WDFY3: variants seen among roughly 807,000 people sequenced by gnomAD.
WDFY3 encodes WD repeat and FYVE domain-containing protein 3.
A neutral mutation model predicts 409.6 loss-of-function variants in WDFY3; 66 were observed. That is an observed-to-expected ratio of 0.16 (90% CI 0.13 to 0.20). The LOEUF (loss-of-function observed/expected upper bound fraction) is 0.20, where lower values mean the gene tolerates loss of function less well. Ranked by LOEUF, WDFY3 falls within the 10% of genes least tolerant of loss-of-function variation. WDFY3 has a pLI of 1.00. For missense variants in WDFY3, 3,031 were observed against 4,298.1 expected (o/e 0.71, Z 8.24); for synonymous variants, 1,521 against 1,537.1 (o/e 0.99, Z 0.25).
intron 2 of WDFY3, among the ~76,000 whole-genome samples, chr4:84,921,487 T>G (rs1769263697): frequency 6.6e-6 from 1 of 151,946 alleles, no homozygotes; most frequent in Admixed American, 6.6e-5. Flanking sequence ...TCTCAATTAT[T>G]CCTAATGAAA....
intron 3 of WDFY3, among the ~76,000 whole-genome samples, chr4:84,870,708 C>G (rs1386258157): frequency 6.6e-6 from 1 of 152,048 alleles, no homozygotes. Flanking sequence ...AGCCCCTTTG[C>G]CTTCTGGTCT....
chr4:84,779,033 T>G (rs948097238), intron 26 of WDFY3, among the ~76,000 whole-genome samples: 1 of 152,168 alleles, frequency 6.6e-6, no homozygotes, highest in South Asian at 2.1e-4. Flanking sequence ...TACTTAAATA[T>G]ACACTTTTTG....
chr4:84,691,891 T>A (rs1049343203), intron 59 of WDFY3, 106 bp from the exon 60 acceptor site: 19 of 1,110,646 alleles, frequency 1.7e-5, no homozygotes, highest in Middle Eastern at 3.1e-4. Flanking sequence ...AGCATCCTGA[T>A]ACCTACGTTG....
chr4:84,966,649 C>T lies in WDFY3; in HGVS notation c.-666G>A, dbSNP rs1775802260. ...GCAGCTGTTGGTGGCCATCTTTAAT[C>T]CTCCTCCTCCTCCTGCTTTCTCCAC... On this transcript the variant is annotated 5_prime_UTR_variant, in exon 1 of 68. Transcript: ENST00000295888. 2 of 156,038 alleles carry T rather than the reference C, an allele frequency of 1.3e-5. No homozygotes were observed. The highest frequency in any genetic ancestry group is 2.9e-5 in the Non-Finnish European group (2 of 69,748). 9.7% of individuals were successfully genotyped at this position (156,038 alleles called of 1,614,324 possible). A position where few individuals can be genotyped will look rare whatever the true frequency, so the allele number is the denominator to read the frequency against.
chr4:84,737,216 T>C lies in WDFY3; in HGVS notation c.6725A>G (p.Glu2242Gly). 1 of 1,614,162 alleles carries C rather than the reference T, an allele frequency of 6.2e-7. No individual in the cohort carries two copies. Among genetic ancestry groups the C allele is most frequent in the Non-Finnish European group, 8.5e-7 (1 of 1,180,012 alleles). Residue 2242 changes from glutamate (E) to glycine (G), a missense_variant, in exon 41 of 68, where the codon GAA (glutamate) becomes GGA (glycine). Physicochemically the swap from Glu to Gly is moderately conservative, Grantham distance 98 (BLOSUM62 -2). Transcript: ENST00000295888. ...DIATARPLIEEAALKCWQNHL... is the reference protein window; with the variant it reads ...DIATARPLIEGAALKCWQNHL... ...ATTCTGCCAGCACTTCAGGGCAGCTTCTTCAATGAGTGGCCTTGCTGTAGC... is the reference window on the plus strand; with the variant it reads ...ATTCTGCCAGCACTTCAGGGCAGCTCCTTCAATGAGTGGCCTTGCTGTAGC...
rs145069657 is a variant in WDFY3, at chr4:84,690,563, C to T, written c.9306G>A (p.Val3102=). The T allele has an allele frequency of 3.2e-5, 52 of 1,614,076 alleles. 3 individuals carry two copies. Among genetic ancestry groups the T allele is most frequent in the Non-Finnish European group, 4.1e-5 (48 of 1,180,042 alleles). The stretch of plus-strand genomic sequence containing the variant: ...TGGAGGTGCCCATCTCCCACACACA[C>T]ACAACCGTGCTTGTTCCACCCGTGA... The part of the protein sequence containing the change: ...LVITGGTSTV[V]CVWEMGTSKE... The change falls in exon 61 of 68, where the codon GTG becomes GTA. Residue 3102 remains valine (V), a synonymous_variant. Coordinates refer to ENST00000295888, the MANE Select transcript of WDFY3 (RefSeq NM_014991.6).
intron 10 of WDFY3, among the ~76,000 whole-genome samples, chr4:84,824,351 T>C (rs1329608879): frequency 6.6e-6 from 1 of 152,210 alleles, no homozygotes; most frequent in Non-Finnish European, 1.5e-5. Flanking sequence ...GTGACAAATT[T>C]ATAAATTCAA....
At chr4:84,772,511 T>C (rs1484527139) in intron 30 of WDFY3, among the ~76,000 whole-genome samples, 2 of 152,178 alleles carry the variant, frequency 1.3e-5, no homozygotes, top group Admixed American at 1.3e-4. Flanking sequence ...TGAAGAGATA[T>C]ACATACATTT....
chr4:84,946,382 G>A (rs1175872825), intron 1 of WDFY3, among the ~76,000 whole-genome samples: 1 of 152,002 alleles, frequency 6.6e-6, no homozygotes, highest in Non-Finnish European at 1.5e-5. Flanking sequence ...CATGCAGATG[G>A]CAAGTTGGCA....
intron 32 of WDFY3, 84 bp downstream of exon 32, chr4:84,765,726 G>A (rs11934332): frequency 1.3e-4 from 148 of 1,149,014 alleles, no homozygotes; most frequent in African/African-American, 7.6e-4. Flanking sequence ...TGATCAAACC[G>A]CAGAGGATAA....
chr4:84,830,185 G>A (rs760961344), intron 8 of WDFY3, among the ~76,000 whole-genome samples: 28 of 152,140 alleles, frequency 1.8e-4, no homozygotes, highest in Non-Finnish European at 3.7e-4. Context: ...TATTTTGAAA[G>A]AGTTTCAGGA....
intron 3 of WDFY3, chr4:84,886,349 A>T (rs1764220122): frequency 6.6e-6 from 1 of 152,224 alleles, no homozygotes; most frequent in Admixed American, 6.6e-5. Context: ...GTCTCAAGTG[A>T]ACCACATTTA....
At chr4:84,729,784 C>G (rs1372801620) in intron 44 of WDFY3, among the ~76,000 whole-genome samples, 1 of 151,638 alleles carries the variant, frequency 6.6e-6, no homozygotes, top group Non-Finnish European at 1.5e-5. Flanking sequence ...GCTTAAGGGA[C>G]AGGACAAAAA....
rs1414777282 is a variant in WDFY3 at position 84,757,164 on chromosome 4, A to G, written c.5189-3T>C. 6.2e-7 allele frequency: 1 copy of G among 1,612,354 alleles called. No homozygotes were observed. Among genetic ancestry groups the G allele is most frequent in the Admixed American group, 1.7e-5 (1 of 59,960 alleles). ...AGCACTTCTGCCCACGTTGAATCCT[A>G]AGAGAAGAGGAATATAACAGTAAGT... On this transcript the variant is annotated splice_polypyrimidine_tract_variant and splice_region_variant and intron_variant, in intron 32 of 67. Transcript: ENST00000295888.
At chr4:84,738,919 G>T in intron 40 of WDFY3, 91 bp downstream of exon 40, 1 of 1,316,978 alleles carries the variant, frequency 7.6e-7, no homozygotes, top group Non-Finnish European at 1.1e-6. Context: ...TATCAATGCT[G>T]GCAGTTTCTG....
chr4:84,880,890 T>G (rs1231519088), intron 3 of WDFY3, among the ~76,000 whole-genome samples: 1 of 149,824 alleles, frequency 6.7e-6, no homozygotes, highest in African/African-American at 2.5e-5. Context: ...GCTAATTTAT[T>G]TATTTATTTT....
intron 10 of WDFY3, among the ~76,000 whole-genome samples, chr4:84,823,556 C>G (rs1270736790): frequency 6.6e-6 from 1 of 151,904 alleles, no homozygotes; most frequent in Non-Finnish European, 1.5e-5. Flanking sequence ...GGATAAAGAA[C>G]TTATACAGAA....
chr4:84,749,301 T>C lies in WDFY3; in HGVS notation c.5973+2182A>G, dbSNP rs551043967. Among the ~76,000 whole-genome samples the C allele has an allele frequency of 5.9e-5, 9 of 152,302 alleles. No individual in the cohort carries two copies. In the East Asian group the frequency reaches 1.5e-3, roughly 26 times the overall value. ...CATTGGAAGACATAGAATGTTAATA[T>C]TTCATTAATATAATTTTTTTTGTAT... is the stretch of plus-strand genomic sequence containing the variant. On this transcript the variant is annotated intron_variant, in intron 36 of 67. Coordinates refer to ENST00000295888, the MANE Select transcript of WDFY3 (RefSeq NM_014991.6).
Position 84,757,065 on chromosome 4 carries a change from A to T in WDFY3, c.5285T>A (p.Phe1762Tyr). 6.2e-7 allele frequency: 1 copy of T among 1,614,108 alleles called. No individual in the cohort carries two copies. The highest frequency in any genetic ancestry group is 1.1e-5 in the South Asian group (1 of 91,080). ...AGGGACATTAGTGTGTTTAGGAAGG[A>T]ATGACTGAAGGACTGGAAAACCAGG... Reference protein sequence around the residue: ...HFPGFPVLQSFLPKHTNVPAL... With the variant: ...HFPGFPVLQSYLPKHTNVPAL... The change falls in exon 33 of 68, where the codon TTC (phenylalanine) becomes TAC (tyrosine). Residue 1762 changes from phenylalanine (F) to tyrosine (Y), a missense_variant. Phe to Tyr is a conservative substitution (Grantham distance 22). Around this residue, in one of 16 missense-constraint regions of WDFY3, gnomAD observed 342 missense variants for 463.7 expected, o/e 0.74. Coordinates refer to ENST00000295888, the MANE Select transcript of WDFY3 (RefSeq NM_014991.6).
Sources: allele counts gnomAD v4.1 joint callset (sites outside exome capture counted in the v4.1 genomes callset), GRCh38; gene constraint gnomAD v4.1.1; regional missense constraint gnomAD v4.1.1; transcripts MANE v1.5; gene names NCBI Gene and HGNC (gene_info 2026-07-23, HGNC 2026-07-21).